APCDD1: variants seen among roughly 807,000 people sequenced by gnomAD.
APCDD1 encodes protein APCDD1.
A neutral mutation model predicts 38.1 loss-of-function variants in APCDD1; 15 were observed. The ratio of observed to expected loss-of-function variants is 0.39; its 90% CI spans 0.26 to 0.61. The LOEUF is 0.61. Among genes scored for constraint, APCDD1 ranks in the 20% least tolerant of loss-of-function variants. The probability of loss-of-function intolerance (pLI) is 0.49; values close to 1 mark genes in which losing one functional copy is unlikely to be tolerated. For synonymous variants in APCDD1, 261 were observed against 279.7 expected, an observed-to-expected ratio of 0.93 and a Z score of 0.67; for missense variants, 647 against 696.2, an observed-to-expected ratio of 0.93 and a Z score of 0.79.
chr18:10,455,103 C>A, intron 1 of APCDD1, 64 bp downstream of exon 1: 1 of 1,542,210 alleles, frequency 6.5e-7, no homozygotes. Flanking sequence ...GCCGCGGAGC[C>A]CGCGGAGGCG....
intron 1 of APCDD1, among the ~76,000 whole-genome samples, chr18:10,462,802 C>T (rs1420908817): frequency 3.3e-5 from 5 of 152,038 alleles, no homozygotes. Flanking sequence ...TTGTTGGGAG[C>T]TGTTCCCTTC....
At chr18:10,464,341 C>T (rs1228462765) in intron 1 of APCDD1, among the ~76,000 whole-genome samples, 1 of 150,320 alleles carries the variant, frequency 6.7e-6, no homozygotes, top group Admixed American at 6.6e-5. Flanking sequence ...CACACACACA[C>T]ACAGACACAC....
In APCDD1 at chr18:10,485,302, C is replaced by A. The variant is rs541094683; in HGVS notation, c.775-160C>A. ...GTGTGCACTCACACATCACTCTCAC[C>A]TCTGTCTGTGCCCGGAGCATGATTC... On this transcript the variant is annotated intron_variant, in intron 3 of 4. Transcript: ENST00000355285. The surrounding 1 kb of genome is among the most constrained non-coding windows in gnomAD (Gnocchi z 5.8). Among the ~76,000 whole-genome samples the A allele has an allele frequency of 2.0e-3, 299 of 152,228 alleles. 2 individuals are homozygous for A. Among genetic ancestry groups the A allele is most frequent in the African/African-American group, 6.8e-3 (284 of 41,538 alleles).
chr18:10,486,230 T>C (rs1233753598), intron 4 of APCDD1, among the ~76,000 whole-genome samples: 1 of 152,226 alleles, frequency 6.6e-6, no homozygotes, highest in African/African-American at 2.4e-5. Flanking sequence ...GGCATGTGCC[T>C]GTAGTCCCAG....
rs545946155 is a variant in APCDD1 at position 10,473,883 on chromosome 18, A to G, written c.774+1822A>G. Among the ~76,000 whole-genome samples, 13 of 149,150 alleles carry G rather than the reference A, an allele frequency of 8.7e-5. No homozygotes were observed. The South Asian group carries it at 1.9e-3, about 22-fold the overall frequency. On this transcript the variant is annotated intron_variant, in intron 3 of 4. Coordinates refer to ENST00000355285, the MANE Select transcript of APCDD1 (RefSeq NM_153000.5). ...TAGCAGGAGAAGGGGCTTCATACCT[A>G]CCTTTGGCTCGCTCTGAGTATAGTC...
chr18:10,485,483 G>A lies in APCDD1; in HGVS notation c.796G>A (p.Ala266Thr), dbSNP rs528698632. ...TCAGAACCACGACCATGCCTGCATC[G>A]CCTGTCGGATCATCTATCGGTCAGA... is the stretch of plus-strand genomic sequence containing the variant. Reference protein sequence around the residue: ...NAKNHDHACIACRIIYRSDEH... With the variant: ...NAKNHDHACITCRIIYRSDEH... Residue 266 changes from alanine (A) to threonine (T), a missense_variant, in exon 4 of 5, where the codon GCC becomes ACC. By Grantham distance (58) the Ala-to-Thr change is moderately conservative (BLOSUM62 0). Coordinates refer to ENST00000355285, the MANE Select transcript of APCDD1 (RefSeq NM_153000.5). The surrounding 1 kb of genome is among the most constrained non-coding windows in gnomAD (Gnocchi z 5.8). 24 of 1,614,088 alleles carry A rather than the reference G, an allele frequency of 1.5e-5. 1 individual carries two copies. The South Asian group carries it at 2.0e-4, about 13-fold the overall frequency.
intron 1 of APCDD1, among the ~76,000 whole-genome samples, chr18:10,462,084 T>C (rs964042285): frequency 2.6e-5 from 4 of 152,196 alleles, no homozygotes; most frequent in African/African-American, 9.7e-5. Context: ...GCACTTGGCA[T>C]ACAATGGCAG....
intron 3 of APCDD1, chr18:10,477,253 C>G (rs1372849197): frequency 6.6e-6 from 1 of 152,214 alleles, no homozygotes; most frequent in African/African-American, 2.4e-5. Flanking sequence ...ACTAGTCTTA[C>G]AGGAAGGAGA....
At chr18:10,462,196 G>A (rs2030563606) in intron 1 of APCDD1, among the ~76,000 whole-genome samples, 1 of 152,080 alleles carries the variant, frequency 6.6e-6, no homozygotes, top group Admixed American at 6.5e-5. Flanking sequence ...TATATAATAA[G>A]CACATTTATT....
At position 10,471,022 on chromosome 18, in the gene APCDD1, C is replaced by T. The variant is rs985448488; in HGVS notation, c.243-508C>T. 6.6e-6 allele frequency among the ~76,000 whole-genome samples: 1 copy of T among 152,230 alleles called. No individual in the cohort carries two copies. On this transcript the variant is annotated intron_variant, in intron 2 of 4. Coordinates refer to ENST00000355285, the MANE Select transcript of APCDD1 (RefSeq NM_153000.5). The surrounding 1 kb of genome is among the most constrained non-coding windows in gnomAD (Gnocchi z 5.5). ...GTCTCAGGATGACAGACATTTTGCA[C>T]CTGCCTGCTGTAGACAAGGTCCATA...
chr18:10,478,749 C>G lies in APCDD1; in HGVS notation c.774+6688C>G, dbSNP rs1598399366. On this transcript the variant is annotated intron_variant, in intron 3 of 4. Coordinates refer to ENST00000355285, the MANE Select transcript of APCDD1 (RefSeq NM_153000.5). ...ACAAACATTCAGTGTGTTGGATAGA[C>G]AGCAAGCCTGCCTGGGCAGTCTGTA... Among the ~76,000 whole-genome samples, 6 of 152,162 alleles carry G rather than the reference C, an allele frequency of 3.9e-5. No individual in the cohort carries two copies. In the South Asian group the frequency reaches 1.0e-3, roughly 26 times the overall value.
At chr18:10,486,891 G>T (rs147606283) in intron 4 of APCDD1, among the ~76,000 whole-genome samples, 1 of 152,156 alleles carries the variant, frequency 6.6e-6, no homozygotes, top group African/African-American at 2.4e-5. Flanking sequence ...GGGTAGCAAG[G>T]TTTGCTCCAG....
Position 10,467,765 on chromosome 18 carries a change from G to A in APCDD1, c.59-704G>A, listed in dbSNP as rs1034413124. Among the ~76,000 whole-genome samples the A allele has an allele frequency of 6.6e-6, 1 of 152,206 alleles. No homozygotes were observed. ...AATTGGGGGGGAAATGTCACACCAC[G>A]TCCCTATTGTAGGAGGGTGCAAGGT... On this transcript the variant is annotated intron_variant, in intron 1 of 4. Coordinates refer to ENST00000355285, the MANE Select transcript of APCDD1 (RefSeq NM_153000.5). The surrounding 1 kb of genome is among the most constrained non-coding windows in gnomAD (Gnocchi z 4.8).
intron 1 of APCDD1, among the ~76,000 whole-genome samples, chr18:10,463,030 G>A (rs988235702): frequency 1.3e-5 from 2 of 151,924 alleles, no homozygotes; most frequent in Admixed American, 6.6e-5. Context: ...CCCACTCTGC[G>A]TTAACAGATG....
At chr18:10,464,698 G>A (rs1490511794) in intron 1 of APCDD1, among the ~76,000 whole-genome samples, 1 of 152,122 alleles carries the variant, frequency 6.6e-6, no homozygotes, top group African/African-American at 2.4e-5. Flanking sequence ...TGGGATTACA[G>A]GCATGAGCCA....
At chr18:10,487,379 G>A (rs1293140188) in intron 4 of APCDD1, among the ~76,000 whole-genome samples, 2 of 152,198 alleles carry the variant, frequency 1.3e-5, no homozygotes, top group South Asian at 4.1e-4. Flanking sequence ...CAGCATATCG[G>A]TGTGACTGCC....
At position 10,485,976 on chromosome 18, in the gene APCDD1, G is replaced by A. The variant is rs1216991896; in HGVS notation, c.1096+193G>A. 6.6e-6 allele frequency among the ~76,000 whole-genome samples: 1 copy of A among 152,214 alleles called. No individual in the cohort carries two copies. Among genetic ancestry groups the A allele is most frequent in the South Asian group, 2.1e-4 (1 of 4,836 alleles). ...CTGCTCAAAATGGATCAGGTGGACA[G>A]CCTCCACTTGCAGGCCTGAATGCGA... On this transcript the variant is annotated intron_variant, in intron 4 of 4. Transcript: ENST00000355285. The surrounding 1 kb of genome is among the most constrained non-coding windows in gnomAD (Gnocchi z 5.8).
At chr18:10,464,016 T>G (rs2030638102) in intron 1 of APCDD1, among the ~76,000 whole-genome samples, 1 of 152,210 alleles carries the variant, frequency 6.6e-6, no homozygotes, top group Admixed American at 6.5e-5. Context: ...AATAGCAAAA[T>G]GGATATTGAT....
chr18:10,483,826 C>T (rs1169014006), intron 3 of APCDD1, among the ~76,000 whole-genome samples: 1 of 152,206 alleles, frequency 6.6e-6, no homozygotes, highest in Non-Finnish European at 1.5e-5. Context: ...CTGATCCGAT[C>T]GGCACGTGCT....
Sources: allele counts gnomAD v4.1 joint callset (sites outside exome capture counted in the v4.1 genomes callset), GRCh38; gene constraint gnomAD v4.1.1; non-coding constraint Gnocchi (gnomAD v3.1); transcripts MANE v1.5; gene names NCBI Gene and HGNC (gene_info 2026-07-23, HGNC 2026-07-21).